The following SLC2A13 variants were observed in gnomAD, a reference collection of about 807,000 sequenced individuals.
The protein encoded by SLC2A13 is solute carrier family 2 member 13.
Under a neutral mutation model 64.4 loss-of-function variants are expected in SLC2A13, and 32 were observed. The observed-to-expected ratio is 0.50, with a 90% CI of 0.37 to 0.67. The LOEUF (loss-of-function observed/expected upper bound fraction) is 0.67, where lower values mean the gene tolerates loss of function less well. Among genes scored for constraint, SLC2A13 ranks in the 30% least tolerant of loss-of-function variants. SLC2A13 has a pLI of 0.00. For synonymous variants in SLC2A13, 338 were observed against 327.1 expected, an observed-to-expected ratio of 1.03 and a Z score of -0.36; for missense variants, 743 against 829.2, an observed-to-expected ratio of 0.90 and a Z score of 1.28.
rs903703360 is a variant in SLC2A13, at chr12:39,759,132, G to A, written c.*894C>T. ...GGACTCCAAGGCCAATGAGGAAGGT[G>A]TAGTGATTTGGGCATGAACAAAAAC... On this transcript the variant is annotated 3_prime_UTR_variant, in exon 10 of 10. Coordinates refer to ENST00000280871, the MANE Select transcript of SLC2A13 (RefSeq NM_052885.4). The A allele has an allele frequency of 4.6e-5, 7 of 152,476 alleles. No homozygotes were observed. The highest frequency in any genetic ancestry group is 8.8e-5 in the Non-Finnish European group (6 of 67,908). 9.4% of individuals were successfully genotyped at this position (152,476 alleles called of 1,614,324 possible). A position where few individuals can be genotyped will look rare whatever the true frequency, so the allele number is the denominator to read the frequency against.
At chr12:39,989,205 CCA>C (rs1293341309) in intron 3 of SLC2A13, among the ~76,000 whole-genome samples, 5 of 152,156 alleles carry the variant, frequency 3.3e-5, no homozygotes, top group Non-Finnish European at 7.4e-5. Flanking sequence ...TCTGCTTTAC[CCA>C]CACAGACTCA....
At chr12:39,838,664 A>G (rs991692105) in intron 6 of SLC2A13, among the ~76,000 whole-genome samples, 5 of 152,102 alleles carry the variant, frequency 3.3e-5, no homozygotes, top group African/African-American at 1.2e-4. Flanking sequence ...TCTAAGGAAG[A>G]GAAAGGATGG....
chr12:40,099,592 T>C (rs953963694), intron 1 of SLC2A13, among the ~76,000 whole-genome samples: 5 of 152,216 alleles, frequency 3.3e-5, no homozygotes, highest in African/African-American at 1.2e-4. Flanking sequence ...GGAAGTCACG[T>C]GAACAATTTC....
intron 2 of SLC2A13, among the ~76,000 whole-genome samples, chr12:40,038,681 T>C (rs1948030059): frequency 6.8e-6 from 1 of 146,102 alleles, no homozygotes; most frequent in Non-Finnish European, 1.5e-5. Context: ...CAGTGAGCCA[T>C]GTTCATGCCA....
At chr12:39,814,840 A>G (rs1019019047) in intron 7 of SLC2A13, among the ~76,000 whole-genome samples, 14 of 152,158 alleles carry the variant, frequency 9.2e-5, no homozygotes, top group African/African-American at 3.4e-4. Context: ...CATTATCACA[A>G]TTATGCATAT....
chr12:40,064,905 AT>A (rs1213418016), intron 1 of SLC2A13, among the ~76,000 whole-genome samples: 1 of 152,148 alleles, frequency 6.6e-6, no homozygotes, highest in African/African-American at 2.4e-5. Flanking sequence ...AAGAAAAATT[AT>A]TTTTTCTTAA....
intron 3 of SLC2A13, among the ~76,000 whole-genome samples, chr12:39,966,768 G>A (rs1206041571): frequency 1.3e-5 from 2 of 152,110 alleles, no homozygotes; most frequent in African/African-American, 2.4e-5. Flanking sequence ...AGGAGAATTC[G>A]AAAGATACGT....
chr12:39,991,157 C>T (rs1042584677), intron 3 of SLC2A13, among the ~76,000 whole-genome samples: 16 of 152,210 alleles, frequency 1.1e-4, no homozygotes, highest in African/African-American at 3.9e-4. Context: ...CTACTTACTT[C>T]ACACAGCAGT....
chr12:40,085,546 C>G (rs750791066), intron 1 of SLC2A13, among the ~76,000 whole-genome samples: 4 of 152,182 alleles, frequency 2.6e-5, no homozygotes, highest in Non-Finnish European at 4.4e-5. Flanking sequence ...AAATCCCCCA[C>G]ATTTGGTCAC....
intron 6 of SLC2A13, among the ~76,000 whole-genome samples, chr12:39,834,264 C>T (rs1219676465): frequency 6.6e-6 from 1 of 152,042 alleles, no homozygotes; most frequent in Non-Finnish European, 1.5e-5. Flanking sequence ...TTCTCCCTTA[C>T]ATCTTCTCAG....
chr12:39,928,381 A>G (rs747297476), intron 4 of SLC2A13, among the ~76,000 whole-genome samples: 1 of 152,124 alleles, frequency 6.6e-6, no homozygotes, highest in African/African-American at 2.4e-5. Flanking sequence ...CAACCCTCCA[A>G]TCAGGCTCTG....
intron 4 of SLC2A13, among the ~76,000 whole-genome samples, chr12:39,938,579 A>G (rs1220198597): frequency 1.3e-5 from 2 of 152,160 alleles, no homozygotes; most frequent in Admixed American, 1.3e-4. Flanking sequence ...GAATCATACA[A>G]AGAAAAAAGG....
chr12:39,831,589 T>A (rs1942852031), intron 6 of SLC2A13, among the ~76,000 whole-genome samples: 1 of 152,152 alleles, frequency 6.6e-6, no homozygotes. Flanking sequence ...ATGTTGGTCC[T>A]TTCCAAATCT....
intron 1 of SLC2A13, among the ~76,000 whole-genome samples, chr12:40,085,416 T>C (rs1313541402): frequency 6.6e-6 from 1 of 152,152 alleles, no homozygotes; most frequent in African/African-American, 2.4e-5. Flanking sequence ...TGGCAGGTCT[T>C]GAGGACTGTG....
chr12:39,980,755 G>C (rs1213334999), intron 3 of SLC2A13, among the ~76,000 whole-genome samples: 3 of 152,044 alleles, frequency 2.0e-5, no homozygotes, highest in Admixed American at 2.0e-4. Context: ...ATCAACATTA[G>C]ACAGATCAAC....
chr12:39,985,157 C>T (rs1947005956), intron 3 of SLC2A13, among the ~76,000 whole-genome samples: 2 of 152,006 alleles, frequency 1.3e-5, no homozygotes, highest in African/African-American at 4.8e-5. Flanking sequence ...AAAGGGAAAC[C>T]ATCTCCAAAC....
At chr12:39,992,475 C>A (rs1187838341) in intron 3 of SLC2A13, among the ~76,000 whole-genome samples, 1 of 152,054 alleles carries the variant, frequency 6.6e-6, no homozygotes, top group Non-Finnish European at 1.5e-5. Flanking sequence ...CAGCTCATAG[C>A]CATTTTCTTT....
intron 3 of SLC2A13, among the ~76,000 whole-genome samples, chr12:39,981,558 A>G (rs1484031461): frequency 1.3e-5 from 2 of 149,298 alleles, no homozygotes; most frequent in Non-Finnish European, 3.0e-5. Flanking sequence ...CTCTACGCAA[A>G]TAAACTAGAA....
intron 4 of SLC2A13, among the ~76,000 whole-genome samples, chr12:39,915,645 G>C (rs1945509464): frequency 6.6e-6 from 1 of 151,918 alleles, no homozygotes; most frequent in Non-Finnish European, 1.5e-5. Context: ...AGCCAGTGAT[G>C]ACACAGGATT....
Sources: allele counts gnomAD v4.1 joint callset (sites outside exome capture counted in the v4.1 genomes callset), GRCh38; gene constraint gnomAD v4.1.1; transcripts MANE v1.5; gene names NCBI Gene and HGNC (gene_info 2026-07-23, HGNC 2026-07-21).